The following LARGE1 variants were observed in gnomAD, a reference collection of about 807,000 sequenced individuals.
LARGE1 encodes xylosyl- and glucuronyltransferase LARGE1.
Under a neutral mutation model 87.6 loss-of-function variants are expected in LARGE1, and 43 were observed. That is an observed-to-expected ratio of 0.49 (90% CI 0.38 to 0.63). The LOEUF (loss-of-function observed/expected upper bound fraction) is 0.63. Among genes scored for constraint, LARGE1 ranks in the 30% least tolerant of loss-of-function variants. LARGE1 has a pLI of 0.00. For synonymous variants in LARGE1, 434 were observed against 394.6 expected, an observed-to-expected ratio of 1.10 and a Z score of -1.18; for missense variants, 802 against 1,000.2, an observed-to-expected ratio of 0.80 and a Z score of 2.67.
the LARGE1 span, among the ~76,000 whole-genome samples, chr22:33,100,349 C>CAAAAAAAA: frequency 1.5e-5 from 1 of 65,310 alleles, no homozygotes; most frequent in Non-Finnish European, 2.7e-5. Flanking sequence ...GACTCCATCT[C>CAAAAAAAA]AAAAAAAAAA....
chr22:33,178,902 TAAAGA>T (rs1460702485), intron 11 of LARGE1, among the ~76,000 whole-genome samples: 1 of 152,170 alleles, frequency 6.6e-6, no homozygotes, highest in African/African-American at 2.4e-5. Context: ...GGGTAATTTA[TAAAGA>T]AAAGAAATTT....
chr22:33,277,080 T>C lies in LARGE1; in HGVS notation c.2053A>G (p.Ile685Val). The C allele has an allele frequency of 6.2e-7, 1 of 1,614,206 alleles. No individual in the cohort carries two copies. ...CTCACCTGCACATCCAGCTCCATGA[T>C]ATGAGCCACTTTGTTCCAGCCAAAG... ...VGFGWNKVAH[I>V]MELDVQEYEF... The change falls in exon 14 of 15, where the codon ATC becomes GTC. Residue 685 changes from isoleucine to valine, a missense_variant. By Grantham distance (29) the Ile-to-Val change is conservative. Around this residue, in one of 2 missense-constraint regions of LARGE1, gnomAD observed 625 missense variants for 841.9 expected, o/e 0.74. Coordinates refer to ENST00000397394, the MANE Select transcript of LARGE1 (RefSeq NM_133642.5).
chr22:33,769,450 A>G (rs951336605), intron 1 of LARGE1, among the ~76,000 whole-genome samples: 2 of 152,234 alleles, frequency 1.3e-5, no homozygotes, highest in African/African-American at 4.8e-5. Context: ...GTTCATTACT[A>G]GCACAGTATC....
intron 6 of LARGE1, among the ~76,000 whole-genome samples, chr22:33,514,004 T>C (rs1413602906): frequency 6.6e-6 from 1 of 152,162 alleles, no homozygotes; most frequent in Non-Finnish European, 1.5e-5. Flanking sequence ...TTCAGTATAG[T>C]GACATGCTGC....
chr22:33,208,132 T>C (rs2146225373), intron 11 of LARGE1, among the ~76,000 whole-genome samples: 1 of 152,302 alleles, frequency 6.6e-6, no homozygotes, highest in Non-Finnish European at 1.5e-5. Context: ...GCTTCCAGTA[T>C]CACCAACACG....
Position 33,281,684 on chromosome 22 carries a change from G to A in LARGE1, c.1877+1518C>T, listed in dbSNP as rs574227825. Among the ~76,000 whole-genome samples the A allele has an allele frequency of 1.8e-4, 28 of 152,320 alleles. No individual in the cohort carries two copies. The South Asian group carries it at 4.1e-3, about 23-fold the overall frequency. ...AGAAAAGAAGGAAGGCTTGGGTTGGGTGGGGGGTTACTAACTCTTCCAGGC... is the reference window on the plus strand; with the variant it reads ...AGAAAAGAAGGAAGGCTTGGGTTGGATGGGGGGTTACTAACTCTTCCAGGC... On this transcript the variant is annotated intron_variant, in intron 13 of 14. Transcript: ENST00000397394.
the LARGE1 span, among the ~76,000 whole-genome samples, chr22:33,070,815 G>A: frequency 6.6e-6 from 1 of 152,126 alleles, no homozygotes; most frequent in African/African-American, 2.4e-5. Context: ...TAGGACTTGG[G>A]GAAATGTGCC....
At chr22:33,142,677 C>T in the LARGE1 span, among the ~76,000 whole-genome samples, 2 of 152,086 alleles carry the variant, frequency 1.3e-5, no homozygotes, top group Non-Finnish European at 2.9e-5. Context: ...TTTTGGTATG[C>T]ATTGGTCATT....
chr22:33,114,979 A>C, the LARGE1 span, among the ~76,000 whole-genome samples: 1 of 152,206 alleles, frequency 6.6e-6, no homozygotes, highest in African/African-American at 2.4e-5. Flanking sequence ...TTAAATTCAT[A>C]TGCCTTACCT....
chr22:33,100,743 C>A, the LARGE1 span, among the ~76,000 whole-genome samples: 1 of 152,194 alleles, frequency 6.6e-6, no homozygotes, highest in Non-Finnish European at 1.5e-5. Flanking sequence ...TGCTGGTTCA[C>A]TACCACCATT....
chr22:33,520,794 A>G (rs1471998565), intron 6 of LARGE1, among the ~76,000 whole-genome samples: 1 of 152,206 alleles, frequency 6.6e-6, no homozygotes, highest in Non-Finnish European at 1.5e-5. Context: ...TCTTCCTTCA[A>G]TGTAAAAAGA....
chr22:33,074,614 G>A, the LARGE1 span, among the ~76,000 whole-genome samples: 1 of 152,086 alleles, frequency 6.6e-6, no homozygotes, highest in Non-Finnish European at 1.5e-5. Flanking sequence ...GACGGAGGAT[G>A]CAGTGAGCCG....
At chr22:33,183,972 T>A (rs1288576195) in intron 11 of LARGE1, among the ~76,000 whole-genome samples, 1 of 151,816 alleles carries the variant, frequency 6.6e-6, no homozygotes. Context: ...TATTGTTTAC[T>A]CAAAATTTGA....
intron 9 of LARGE1, among the ~76,000 whole-genome samples, chr22:33,354,390 G>A (rs2146799899): frequency 6.6e-6 from 1 of 152,292 alleles, no homozygotes; most frequent in Admixed American, 6.5e-5. Context: ...AGGTTGATAA[G>A]TTCTTGGAGG....
intron 4 of LARGE1, among the ~76,000 whole-genome samples, chr22:33,605,866 G>A (rs921269286): frequency 7.2e-5 from 11 of 152,176 alleles, no homozygotes; most frequent in Admixed American, 2.0e-4. Flanking sequence ...AAAGTTCCAC[G>A]GGAGTAAGAG....
intron 1 of LARGE1, among the ~76,000 whole-genome samples, chr22:33,811,576 C>T (rs531142676): frequency 2.0e-4 from 31 of 152,210 alleles, no homozygotes; most frequent in East Asian, 9.7e-4. Flanking sequence ...ATATTCGCAA[C>T]GTGGAAGAGC....
At chr22:33,762,114 T>G (rs2084752571) in intron 1 of LARGE1, among the ~76,000 whole-genome samples, 1 of 147,168 alleles carries the variant, frequency 6.8e-6, no homozygotes, top group African/African-American at 2.5e-5. Context: ...CATGGGAGGC[T>G]GAGGCATGAG....
At chr22:33,293,429 T>C (rs1464210113) in intron 12 of LARGE1, among the ~76,000 whole-genome samples, 1 of 152,202 alleles carries the variant, frequency 6.6e-6, no homozygotes, top group Non-Finnish European at 1.5e-5. Flanking sequence ...GTAGTTATCA[T>C]CATCATCATA....
chr22:33,813,254 G>GAAAA (rs5845112), intron 1 of LARGE1, among the ~76,000 whole-genome samples: 1 of 114,498 alleles, frequency 8.7e-6, no homozygotes, highest in Non-Finnish European at 1.8e-5. Flanking sequence ...TCCGTCTCAA[G>GAAAA]AAAAAAAAAA....
Sources: gnomAD v4.1 joint callset for allele counts (sites outside exome capture counted in the v4.1 genomes callset) on GRCh38, gnomAD v4.1.1 for gene constraint, gnomAD v4.1.1 regional missense constraint, MANE v1.5 for transcripts, NCBI Gene and HGNC (gene_info 2026-07-23, HGNC 2026-07-21) for gene names.